Variants in NPC1 observed in about 807,000 individuals in gnomAD.
The protein encoded by NPC1 is Niemann-Pick C1 protein.
In NPC1, 85 loss-of-function variants were observed where a neutral mutation model predicts 140.4. The observed-to-expected ratio is 0.61, with a 90% CI of 0.51 to 0.72. NPC1 has a LOEUF of 0.72. Among genes scored for constraint, NPC1 ranks in the 30% least tolerant of loss-of-function variants. The pLI is 0.00. For missense variants in NPC1, 1,504 were observed against 1,623.8 expected, an observed-to-expected ratio of 0.93 and a Z score of 1.27; for synonymous variants, 656 against 624.8, an observed-to-expected ratio of 1.05 and a Z score of -0.74.
chr18:23,510,698 C>T (rs1369287066), intron 3 of NPC1, among the ~76,000 whole-genome samples: 2 of 151,574 alleles, frequency 1.3e-5, no homozygotes, highest in East Asian at 1.9e-4. Context: ...TAAAAGAAGA[C>T]ACACATGCGA....
intron 16 of NPC1, 21 bp from the exon 17 acceptor site, chr18:23,540,558 T>C (rs202100559): frequency 6.6e-7 from 1 of 1,522,948 alleles, no homozygotes; most frequent in Non-Finnish European, 9.1e-7. Flanking sequence ...AAATGAATCA[T>C]AAGACAGAGA....
chr18:23,534,636 G>C (rs2058598735), intron 22 of NPC1, 77 bp from the exon 23 acceptor site: 1 of 1,181,788 alleles, frequency 8.5e-7, no homozygotes, highest in Non-Finnish European at 1.2e-6. Context: ...CTGAGGATGG[G>C]TGCTAATTAC....
chr18:23,530,783 T>C (rs1367503757), downstream of NPC1, among the ~76,000 whole-genome samples: 7 of 152,198 alleles, frequency 4.6e-5, no homozygotes, highest in Admixed American at 4.6e-4. Context: ...TTCAGTATAC[T>C]GACAGAATCT....
At chr18:23,566,401 C>T (rs2059124066) in intron 4 of NPC1, among the ~76,000 whole-genome samples, 1 of 151,962 alleles carries the variant, frequency 6.6e-6, no homozygotes. Context: ...TAGTACTGCA[C>T]TATTCAGAAC....
intron 1 of NPC1, among the ~76,000 whole-genome samples, chr18:23,578,920 G>C (rs144231720): frequency 6.6e-6 from 1 of 152,324 alleles, no homozygotes; most frequent in East Asian, 1.9e-4. Context: ...GCCCTCACTC[G>C]GACCCGGCAG....
intron 3 of NPC1, chr18:23,516,132 CTG>C (rs1430044638): frequency 1.4e-6 from 2 of 1,390,666 alleles, no homozygotes; most frequent in Non-Finnish European, 2.0e-6. Flanking sequence ...AGAGGGCACT[CTG>C]TATACCCGTC....
Position 23,531,692 on chromosome 18 carries a change from T to C in NPC1, c.*510A>G. On this transcript the variant is annotated 3_prime_UTR_variant, in exon 25 of 25. Transcript: ENST00000269228. The stretch of plus-strand genomic sequence containing the variant: ...TTGGAGACCAAGCTCTAATGAGGCC[T>C]ACAACATTCTGAAATCACTTGCTGT... 1 of 1,609,426 alleles carries C rather than the reference T, an allele frequency of 6.2e-7. No homozygotes were observed. The highest frequency in any genetic ancestry group is 2.2e-5 in the East Asian group (1 of 44,848).
chr18:23,511,786 T>G (rs565617488), intron 3 of NPC1, among the ~76,000 whole-genome samples: 1 of 152,274 alleles, frequency 6.6e-6, no homozygotes, highest in South Asian at 2.1e-4. Context: ...GTTTTCCATT[T>G]TTTTGTGATT....
At chr18:23,543,825 C>T (rs1459693286) in intron 13 of NPC1, among the ~76,000 whole-genome samples, 1 of 152,114 alleles carries the variant, frequency 6.6e-6, no homozygotes, top group Non-Finnish European at 1.5e-5. Context: ...GGAACACAGG[C>T]GGCAGGGGAC....
At chr18:23,547,400 T>C (rs957137206) in intron 11 of NPC1, among the ~76,000 whole-genome samples, 2 of 152,228 alleles carry the variant, frequency 1.3e-5, no homozygotes, top group African/African-American at 2.4e-5. Flanking sequence ...ATTGTATTCA[T>C]TCCTTATTAA....
chr18:23,557,294 G>C, intron 6 of NPC1, 104 bp from the exon 7 acceptor site: 1 of 833,880 alleles, frequency 1.2e-6, no homozygotes, highest in Non-Finnish European at 2.0e-6. Flanking sequence ...CCTCCTCCTG[G>C]CCTCCTCCTC....
At chr18:23,520,197 C>A (rs201470666), downstream of NPC1, 2 of 1,611,104 alleles carry the variant, frequency 1.2e-6, no homozygotes, top group East Asian at 2.2e-5. Context: ...CTTTTTCCCC[C>A]CCAGACATCG....
intron 1 of NPC1, among the ~76,000 whole-genome samples, chr18:23,584,758 C>T (rs1391435011): frequency 6.6e-6 from 1 of 152,186 alleles, no homozygotes; most frequent in East Asian, 1.9e-4. Flanking sequence ...ACCTGGGAGG[C>T]TGAGGCACCA....
chr18:23,528,209 C>A, downstream of NPC1: 1 of 217,736 alleles, frequency 4.6e-6, no homozygotes, highest in Non-Finnish European at 9.1e-6. Flanking sequence ...TCAGTCTCTG[C>A]TTTGCAATAT....
At chr18:23,549,927 T>C (rs1053383878) in intron 10 of NPC1, among the ~76,000 whole-genome samples, 1 of 151,174 alleles carries the variant, frequency 6.6e-6, no homozygotes, top group Non-Finnish European at 1.5e-5. Flanking sequence ...GTATTTTCAG[T>C]AGAGACAGGG....
At chr18:23,561,924 A>AGCT (rs1319762339) in intron 4 of NPC1, among the ~76,000 whole-genome samples, 4 of 152,244 alleles carry the variant, frequency 2.6e-5, no homozygotes, top group Non-Finnish European at 5.9e-5. Flanking sequence ...TGCCGCAGGA[A>AGCT]GCTACACAGC....
At chr18:23,518,748 G>C (rs936551658), downstream of NPC1, 3 of 660,354 alleles carry the variant, frequency 4.5e-6, no homozygotes, top group Middle Eastern at 3.4e-4. Flanking sequence ...TTGAGTAACT[G>C]CATGTTTCTT....
intron 3 of NPC1, 39 bp from the exon 4 acceptor site, chr18:23,569,037 C>T: frequency 7.1e-7 from 1 of 1,407,304 alleles, no homozygotes; most frequent in Non-Finnish European, 1.0e-6. Context: ...TGATCTCACA[C>T]ATAATAGGGC....
At chr18:23,544,103 A>G (rs1266060711) in intron 13 of NPC1, among the ~76,000 whole-genome samples, 1 of 152,212 alleles carries the variant, frequency 6.6e-6, no homozygotes, top group Admixed American at 6.5e-5. Flanking sequence ...AAAAGACACT[A>G]TTTAAAGATA....
Sources: gnomAD v4.1 joint callset for allele counts (sites outside exome capture counted in the v4.1 genomes callset) on GRCh38, gnomAD v4.1.1 for gene constraint, MANE v1.5 for transcripts, NCBI Gene and HGNC (gene_info 2026-07-23, HGNC 2026-07-21) for gene names.